The following CCDC28A variants were observed in gnomAD, a reference collection of about 807,000 sequenced individuals.
CCDC28A encodes coiled-coil domain-containing protein 28A.
In CCDC28A, 24 loss-of-function variants were observed where a neutral mutation model predicts 22.1. The observed-to-expected ratio is 1.09, with a 90% CI of 0.79 to 1.53. CCDC28A has a LOEUF of 1.53. Ranked by LOEUF, CCDC28A falls within the 40% of genes most tolerant of loss-of-function variation. CCDC28A has a pLI of 0.00. For missense variants in CCDC28A, 170 were observed against 210.7 expected (o/e 0.81, Z 1.20); for synonymous variants, 83 against 74.7 (o/e 1.11, Z -0.57).
intron 2 of CCDC28A, among the ~76,000 whole-genome samples, chr6:138,777,363 C>T (rs1197008992): frequency 1.3e-5 from 2 of 152,130 alleles, no homozygotes; most frequent in Non-Finnish European, 2.9e-5. Context: ...TGAGGATTTC[C>T]TTCGAATAAA....
At chr6:138,788,553 TCTC>T (rs1230259039) in intron 5 of CCDC28A, among the ~76,000 whole-genome samples, 165 bp downstream of exon 5, 4 of 148,270 alleles carry the variant, frequency 2.7e-5, no homozygotes, top group African/African-American at 1.0e-4. Flanking sequence ...TTCTTTTCTT[TCTC>T]TTTTTTCTTT....
At chr6:138,786,717 C>T (rs1775098422) in intron 4 of CCDC28A, among the ~76,000 whole-genome samples, 1 of 152,160 alleles carries the variant, frequency 6.6e-6, no homozygotes, top group African/African-American at 2.4e-5. Context: ...TGAACTCATA[C>T]GATCCTCCTG....
intron 2 of CCDC28A, 59 bp downstream of exon 2, chr6:138,776,337 A>G: frequency 7.3e-7 from 1 of 1,369,388 alleles, no homozygotes. Flanking sequence ...ATCCTGACTC[A>G]ACTTCTTCTT....
chr6:138,775,182 G>T (rs1218244120), intron 1 of CCDC28A, among the ~76,000 whole-genome samples: 1 of 152,148 alleles, frequency 6.6e-6, no homozygotes, highest in Non-Finnish European at 1.5e-5. Flanking sequence ...CTCGTGATCC[G>T]CCCGCCTTGG....
intron 1 of CCDC28A, 53 bp downstream of exon 1, chr6:138,773,955 C>A: frequency 6.3e-7 from 1 of 1,595,696 alleles, no homozygotes; most frequent in South Asian, 1.1e-5. Flanking sequence ...AGGCCCTTCC[C>A]ACCACTCTGG....
chr6:138,776,039 A>G lies in CCDC28A; in HGVS notation c.-42-40A>G, dbSNP rs940965807. 3 of 1,488,478 alleles carry G rather than the reference A, an allele frequency of 2.0e-6. No individual in the cohort carries two copies. The African/African-American group carries it at 4.2e-5, about 21-fold the overall frequency. 92.2% of individuals were successfully genotyped at this position (1,488,478 alleles called of 1,614,324 possible). A position where few individuals can be genotyped will look rare whatever the true frequency, so the allele number is the denominator to read the frequency against. On this transcript the variant is annotated intron_variant, in intron 1 of 5. Transcript: ENST00000617445. ...CTTTGAATTTCTTTCATGTTTGCAT[A>G]TTATAGCATACATATATAATTGCTG...
chr6:138,780,018 C>A, intron 3 of CCDC28A, 33 bp downstream of exon 3: 1 of 1,513,832 alleles, frequency 6.6e-7, no homozygotes, highest in Non-Finnish European at 9.0e-7. Context: ...TTATTTTTTT[C>A]TCTAAGATGT....
intron 5 of CCDC28A, among the ~76,000 whole-genome samples, chr6:138,788,724 G>A: frequency 6.6e-6 from 1 of 151,834 alleles, no homozygotes; most frequent in East Asian, 1.9e-4. Flanking sequence ...TTACAGGCGT[G>A]AGACACCATT....
intron 5 of CCDC28A, among the ~76,000 whole-genome samples, chr6:138,789,161 TTAAGAAC>T (rs1336477500): frequency 6.6e-6 from 1 of 152,168 alleles, no homozygotes; most frequent in African/African-American, 2.4e-5. Flanking sequence ...AGCAATTATT[TTAAGAAC>T]TTTTCAAAAT....
intron 5 of CCDC28A, among the ~76,000 whole-genome samples, chr6:138,791,866 C>T (rs193215485): frequency 1.2e-4 from 19 of 152,286 alleles, no homozygotes; most frequent in Non-Finnish European, 2.5e-4. Flanking sequence ...ATTTTTGCAA[C>T]CTCTGCCATA....
chr6:138,784,052 A>ATTT (rs763690640), intron 3 of CCDC28A, among the ~76,000 whole-genome samples: 2 of 151,292 alleles, frequency 1.3e-5, no homozygotes, highest in Non-Finnish European at 2.9e-5. Context: ...TAATTGGCTG[A>ATTT]TTTTTTGTAT....
intron 1 of CCDC28A, among the ~76,000 whole-genome samples, chr6:138,775,091 C>T (rs1206624240): frequency 6.6e-6 from 1 of 152,226 alleles, no homozygotes; most frequent in East Asian, 1.9e-4. Flanking sequence ...AGGCGCCCGC[C>T]ACCACTCCCG....
At chr6:138,785,462 A>C (rs3763185) in intron 4 of CCDC28A, 81 bp downstream of exon 4, 176,039 of 1,011,076 alleles carry the variant, frequency 0.17, 16,549 homozygotes, top group Middle Eastern at 0.21. Flanking sequence ...ATTTTAATGT[A>C]TACAATCACG....
chr6:138,776,005 G>T, intron 1 of CCDC28A, 74 bp from the exon 2 acceptor site: 1 of 1,269,064 alleles, frequency 7.9e-7, no homozygotes, highest in Non-Finnish European at 1.1e-6. Context: ...TTGACCCTGT[G>T]AAATGGGTCT....
intron 1 of CCDC28A, 24 bp from the exon 2 acceptor site, chr6:138,776,055 A>G (rs1317456845): frequency 4.4e-6 from 7 of 1,578,222 alleles, no homozygotes; most frequent in Middle Eastern, 1.7e-4. Context: ...GCATACATAT[A>G]TAATTGCTGT....
intron 3 of CCDC28A, among the ~76,000 whole-genome samples, chr6:138,783,835 G>A (rs993776291): frequency 6.7e-6 from 1 of 148,880 alleles, no homozygotes; most frequent in African/African-American, 2.5e-5. Flanking sequence ...CTCAAAGTGT[G>A]TTAAGATTAC....
intron 3 of CCDC28A, among the ~76,000 whole-genome samples, chr6:138,782,631 C>T (rs1775037263): frequency 6.6e-6 from 1 of 152,178 alleles, no homozygotes; most frequent in South Asian, 2.1e-4. Flanking sequence ...TACATACACA[C>T]AAACACGTAT....
rs1339918850 is a variant in CCDC28A at position 138,788,377 on chromosome 6, G to A, written c.489G>A (p.Leu163=). The change falls in exon 5 of 6, where the codon TTG becomes TTA. Residue 163 remains leucine, a synonymous_variant. Transcript: ENST00000617445. ...TCTTTGTTTTACAGTTAGAAGAATT[G>A]AATTCTTCCATGTATCCTTTGTCTG... The part of the protein sequence containing the change: ...LDRLLSDLEE[L]NSSIQKLHLA... 1.6e-6 allele frequency: 2 copies of A among 1,260,964 alleles called. No individual in the cohort carries two copies. Among genetic ancestry groups the A allele is most frequent in the African/African-American group, 3.1e-5 (2 of 63,726 alleles). The allele number at this position is 1,260,964 out of a possible 1,614,324, so 78.1% of individuals were successfully genotyped here.
At chr6:138,792,027 G>C (rs116398990) in intron 5 of CCDC28A, among the ~76,000 whole-genome samples, 1 of 152,128 alleles carries the variant, frequency 6.6e-6, no homozygotes, top group Non-Finnish European at 1.5e-5. Context: ...CAAGATTCCC[G>C]TCCTATTTCC....
Sources: gnomAD v4.1 joint callset for allele counts (sites outside exome capture counted in the v4.1 genomes callset) on GRCh38, gnomAD v4.1.1 for gene constraint, MANE v1.5 for transcripts, NCBI Gene and HGNC (gene_info 2026-07-23, HGNC 2026-07-21) for gene names.